The following ST6GAL2 variants were observed in gnomAD, a reference collection of about 807,000 sequenced individuals.
ST6GAL2 encodes the protein beta-galactoside alpha-2,6-sialyltransferase 2.
In ST6GAL2, 24 loss-of-function variants were observed where a neutral mutation model predicts 37.5. The ratio of observed to expected loss-of-function variants is 0.64; its 90% CI spans 0.46 to 0.90. The LOEUF (loss-of-function observed/expected upper bound fraction) is 0.90. ST6GAL2 is among the 40% of genes least tolerant of loss of function. The pLI, the probability that ST6GAL2 is intolerant of heterozygous loss-of-function variation, is 0.00. For missense variants in ST6GAL2, 715 were observed against 712.7 expected (o/e 1.00, Z -0.04); for synonymous variants, 306 against 295.1 (o/e 1.04, Z -0.38).
At chr2:106,875,736 A>T (rs188109778) in intron 1 of ST6GAL2, among the ~76,000 whole-genome samples, 56 of 152,360 alleles carry the variant, frequency 3.7e-4, no homozygotes, top group Admixed American at 2.6e-4. Context: ...CTAGTTCTTT[A>T]AAACATCTCC....
chr2:106,884,939 A>ATG lies in ST6GAL2; in HGVS notation c.-58+1153_-58+1154insCA, dbSNP rs1491214200. On this transcript the variant is annotated intron_variant, in intron 1 of 5. Coordinates refer to ENST00000409382, the MANE Select transcript of ST6GAL2 (RefSeq NM_001142351.2). ...TATATATATATATATATATATACATACACACACACACATATATACATATGT... is the reference window on the plus strand; with the variant it reads ...TATATATATATATATATATATACATATGCACACACACACATATATACATATGT... Among the ~76,000 whole-genome samples the ATG allele has an allele frequency of 4.9e-5, 6 of 122,636 alleles. 1 individual carries two copies. The highest frequency in any genetic ancestry group is 1.8e-4 in the African/African-American group (6 of 33,764). The allele number at this position is 122,636 out of a possible 152,430, so 80.5% of individuals were successfully genotyped here.
chr2:106,882,334 C>T (rs1667588515), intron 1 of ST6GAL2, among the ~76,000 whole-genome samples: 1 of 152,178 alleles, frequency 6.6e-6, no homozygotes, highest in Non-Finnish European at 1.5e-5. Flanking sequence ...CACCCAGACA[C>T]AGGTTCAAAT....
intron 1 of ST6GAL2, among the ~76,000 whole-genome samples, chr2:106,849,266 C>A (rs1321783357): frequency 6.6e-6 from 1 of 152,030 alleles, no homozygotes; most frequent in Non-Finnish European, 1.5e-5. Context: ...GCCAGATGGA[C>A]CCCAGAGAAA....
intron 1 of ST6GAL2, among the ~76,000 whole-genome samples, chr2:106,866,059 G>C (rs758811400): frequency 9.9e-5 from 15 of 152,134 alleles, no homozygotes; most frequent in Non-Finnish European, 2.1e-4. Flanking sequence ...TTTATTAAAG[G>C]CTTATTAGGT....
chr2:106,856,733 A>G (rs1573287348), intron 1 of ST6GAL2, among the ~76,000 whole-genome samples: 1 of 152,210 alleles, frequency 6.6e-6, no homozygotes, highest in Non-Finnish European at 1.5e-5. Context: ...AGGACCTGGT[A>G]TCTTTGAAGG....
chr2:106,865,978 G>C (rs1324925812), intron 1 of ST6GAL2, among the ~76,000 whole-genome samples: 1 of 152,158 alleles, frequency 6.6e-6, no homozygotes, highest in Non-Finnish European at 1.5e-5. Flanking sequence ...ATTTGCATTA[G>C]GTTGTCTTTA....
rs1046995102 is a variant in ST6GAL2 at position 106,843,016 on chromosome 2, TC to T, written c.943+18del. On this transcript the variant is annotated intron_variant, in intron 2 of 5. Coordinates refer to ENST00000409382, the MANE Select transcript of ST6GAL2 (RefSeq NM_001142351.2). ...ACTGGCTCAAGACAGGGCGACCTGGTCCCCCCGCTGAGACCTACCTATTTCC... is the reference window on the plus strand; with the variant it reads ...ACTGGCTCAAGACAGGGCGACCTGGTCCCCCGCTGAGACCTACCTATTTCC... 5.1e-6 allele frequency: 7 copies of T among 1,371,958 alleles called. No individual in the cohort carries two copies. The highest frequency in any genetic ancestry group is 3.3e-5 in the Admixed American group (1 of 30,494). The allele number at this position is 1,371,958 out of a possible 1,614,324, so 85.0% of individuals were successfully genotyped here.
Position 106,843,446 on chromosome 2 carries a change from G to A in ST6GAL2, c.532C>T (p.Arg178Trp), listed in dbSNP as rs746401401. The change falls in exon 2 of 6, where the codon CGG (arginine) becomes TGG (tryptophan). Residue 178 changes from arginine to tryptophan, a missense_variant. Physicochemically the swap from Arg to Trp is moderately radical, Grantham distance 101. Coordinates refer to ENST00000409382, the MANE Select transcript of ST6GAL2 (RefSeq NM_001142351.2). ...AACACGTGGCTCCTTCTCTGCCTCCGGTGCCTCTTCTTCACCCGCCTCCTC... is the reference window on the plus strand; with the variant it reads ...AACACGTGGCTCCTTCTCTGCCTCCAGTGCCTCTTCTTCACCCGCCTCCTC... ...VQRRRVKKRHRRQRRSHVLEE... is the reference protein window; with the variant it reads ...VQRRRVKKRHWRQRRSHVLEE... The A allele has an allele frequency of 3.1e-6, 5 of 1,613,932 alleles. No homozygotes were observed. Among genetic ancestry groups the A allele is most frequent in the South Asian group, 1.1e-5 (1 of 91,084 alleles).
chr2:106,886,997 C>G (rs1679030470), upstream of ST6GAL2: 1 of 152,336 alleles, frequency 6.6e-6, no homozygotes, highest in Non-Finnish European at 1.5e-5. Flanking sequence ...CCGCCTGGCA[C>G]CGCGCCTGGA....
At chr2:106,867,783 C>A (rs1263122647) in intron 1 of ST6GAL2, among the ~76,000 whole-genome samples, 1 of 152,066 alleles carries the variant, frequency 6.6e-6, no homozygotes, top group African/African-American at 2.4e-5. Flanking sequence ...CACTGAACAC[C>A]AACTGTGGAT....
intron 2 of ST6GAL2, chr2:106,834,419 T>C (rs1415281970): frequency 1.3e-5 from 4 of 313,338 alleles, no homozygotes; most frequent in Non-Finnish European, 2.4e-5. Context: ...CTTGCTACCT[T>C]TTCAACATTC....
intron 5 of ST6GAL2, chr2:106,825,018 A>G (rs7608209): frequency 0.099 from 15,072 of 152,144 alleles, 1,050 homozygotes; most frequent in African/African-American, 0.16. Context: ...AAATTCTCAC[A>G]ACCTCCGGCA....
chr2:106,881,972 T>C (rs1678768781), intron 1 of ST6GAL2, among the ~76,000 whole-genome samples: 1 of 152,222 alleles, frequency 6.6e-6, no homozygotes, highest in Non-Finnish European at 1.5e-5. Context: ...TCTTGAATCT[T>C]AGCCTAAATT....
intron 2 of ST6GAL2, among the ~76,000 whole-genome samples, chr2:106,838,721 G>A (rs181031143): frequency 2.6e-5 from 4 of 152,266 alleles, no homozygotes; most frequent in Admixed American, 6.5e-5. Context: ...GGGTTGTAAG[G>A]TTTACAACAG....
intron 1 of ST6GAL2, among the ~76,000 whole-genome samples, chr2:106,855,092 G>T (rs1677523498): frequency 6.6e-6 from 1 of 152,102 alleles, no homozygotes; most frequent in South Asian, 2.1e-4. Flanking sequence ...CTATCATAAG[G>T]TGGCATATAT....
At chr2:106,830,356 A>C in intron 4 of ST6GAL2, 116 bp from the exon 5 acceptor site, 1 of 780,568 alleles carries the variant, frequency 1.3e-6, no homozygotes, top group South Asian at 1.7e-5. Flanking sequence ...GGATGGGGAA[A>C]GATCATGACT....
chr2:106,808,071 T>A (rs1019498407), intron 5 of ST6GAL2, among the ~76,000 whole-genome samples: 3 of 152,238 alleles, frequency 2.0e-5, no homozygotes, highest in Non-Finnish European at 2.9e-5. Flanking sequence ...GCAGCACAGT[T>A]ATTCTTGTTA....
intron 5 of ST6GAL2, among the ~76,000 whole-genome samples, chr2:106,814,981 G>T (rs1675748389): frequency 6.6e-6 from 1 of 152,204 alleles, no homozygotes; most frequent in Non-Finnish European, 1.5e-5. Context: ...TTGTTCCAAA[G>T]AAACGAGTCC....
rs774493419 is a variant in ST6GAL2 at position 106,834,105 on chromosome 2, G to A, written c.985C>T (p.Arg329Cys). ...AVLRFNSAPT[R>C]GYEKDVGNKT... ...TTCCCAACATCTTTCTCATAACCAC[G>A]TGTAGGAGCAGAGTTAAATCTCAAA... is the stretch of plus-strand genomic sequence containing the variant. Residue 329 changes from arginine (R) to cysteine (C), a missense_variant, in exon 3 of 6, where the codon CGT becomes TGT. Physicochemically the swap from Arg to Cys is radical, Grantham distance 180. Around this residue, in one of 3 missense-constraint regions of ST6GAL2, gnomAD observed 512 missense variants for 488.8 expected, o/e 1.05. Transcript: ENST00000409382. 8 of 1,613,646 alleles carry A rather than the reference G, an allele frequency of 5.0e-6. No individual in the cohort carries two copies. The highest frequency in any genetic ancestry group is 2.7e-5 in the African/African-American group (2 of 74,896).
Sources: allele counts gnomAD v4.1 joint callset (sites outside exome capture counted in the v4.1 genomes callset), GRCh38; gene constraint gnomAD v4.1.1; regional missense constraint gnomAD v4.1.1; transcripts MANE v1.5; gene names NCBI Gene and HGNC (gene_info 2026-07-23, HGNC 2026-07-21).